The following GKAP1 variants were observed in gnomAD, a reference collection of about 807,000 sequenced individuals.
GKAP1 encodes G kinase anchoring protein 1.
A neutral mutation model predicts 56.7 loss-of-function variants in GKAP1; 31 were observed. The observed-to-expected ratio is 0.55, with a 90% CI of 0.41 to 0.74. The LOEUF (loss-of-function observed/expected upper bound fraction) is 0.74. Among genes scored for constraint, GKAP1 ranks in the 30% least tolerant of loss-of-function variants. GKAP1 has a pLI of 0.00. For missense variants in GKAP1, 364 were observed against 402.3 expected, an observed-to-expected ratio of 0.90 and a Z score of 0.82; for synonymous variants, 151 against 138.6, an observed-to-expected ratio of 1.09 and a Z score of -0.63.
At chr9:83,787,772 A>T (rs776865483) in intron 5 of GKAP1, among the ~76,000 whole-genome samples, 3 of 152,256 alleles carry the variant, frequency 2.0e-5, no homozygotes, top group Non-Finnish European at 4.4e-5. Context: ...ATCCTCCTTT[A>T]ATAACAAGCT....
chr9:83,744,804 G>A (rs1319467120), intron 10 of GKAP1, among the ~76,000 whole-genome samples: 1 of 152,078 alleles, frequency 6.6e-6, no homozygotes, highest in Non-Finnish European at 1.5e-5. Flanking sequence ...CATATGGCTG[G>A]GAGGCCTCAG....
chr9:83,779,778 A>G (rs1234092842), intron 7 of GKAP1, among the ~76,000 whole-genome samples: 1 of 151,860 alleles, frequency 6.6e-6, no homozygotes. Flanking sequence ...TTTCATTAGT[A>G]TCTTCCTCAA....
At chr9:83,757,620 A>C (rs1943498423) in intron 8 of GKAP1, among the ~76,000 whole-genome samples, 1 of 152,202 alleles carries the variant, frequency 6.6e-6, no homozygotes. Flanking sequence ...ACAGCATGGC[A>C]TGATGGCAGT....
At chr9:83,760,839 C>A (rs1235016080) in intron 8 of GKAP1, among the ~76,000 whole-genome samples, 1 of 151,552 alleles carries the variant, frequency 6.6e-6, no homozygotes, top group Non-Finnish European at 1.5e-5. Flanking sequence ...AAATAACACA[C>A]CAAAAGCTAT....
chr9:83,749,649 C>A (rs1396946319), intron 9 of GKAP1, among the ~76,000 whole-genome samples: 1 of 152,100 alleles, frequency 6.6e-6, no homozygotes, highest in Non-Finnish European at 1.5e-5. Context: ...TTTTTCCTCT[C>A]AACATATACA....
At chr9:83,741,854 T>C (rs1943214401) in intron 12 of GKAP1, 98 bp downstream of exon 12, 9 of 680,394 alleles carry the variant, frequency 1.3e-5, no homozygotes, top group Non-Finnish European at 2.0e-5. Flanking sequence ...AGTGAATAAA[T>C]TTTGGCCTAA....
At chr9:83,791,980 T>C (rs1944167211) in intron 4 of GKAP1, among the ~76,000 whole-genome samples, 1 of 152,208 alleles carries the variant, frequency 6.6e-6, no homozygotes, top group South Asian at 2.1e-4. Context: ...AGGAAAGTCA[T>C]TCTGACAAAA....
At chr9:83,812,248 T>C (rs964147014) in intron 2 of GKAP1, among the ~76,000 whole-genome samples, 2 of 148,836 alleles carry the variant, frequency 1.3e-5, no homozygotes, top group African/African-American at 2.5e-5. Context: ...TATATACGTA[T>C]ATATGTATAC....
At chr9:83,783,157 A>G (rs1944005834) in intron 6 of GKAP1, among the ~76,000 whole-genome samples, 1 of 152,130 alleles carries the variant, frequency 6.6e-6, no homozygotes, top group African/African-American at 2.4e-5. Context: ...TTTCTTTTTG[A>G]AATTATTGCT....
chr9:83,793,043 A>G, intron 4 of GKAP1: 1 of 1,225,934 alleles, frequency 8.2e-7, no homozygotes, highest in Non-Finnish European at 1.1e-6. Context: ...TTTTTCTTCT[A>G]TTTAAGCAAA....
In GKAP1 at chr9:83,801,396, GT is replaced by G. The variant is rs397711258; in HGVS notation, c.217-2069del. On this transcript the variant is annotated intron_variant, in intron 3 of 12. Transcript: ENST00000376371. ...CGTTGTTTTAAGCCACCAAGTTTGT[GT>G]TTTTTTTTTTTTTAAGGCAGCCCTG... 8.5e-3 allele frequency among the ~76,000 whole-genome samples: 432 copies of G among 50,860 alleles called. 1 individual carries two copies. The highest frequency in any genetic ancestry group is 0.03 in the African/African-American group (267 of 8,832). The allele number at this position is 50,860 out of a possible 152,430, so 33.4% of individuals were successfully genotyped here.
intron 7 of GKAP1, among the ~76,000 whole-genome samples, chr9:83,778,927 T>A (rs541091044): frequency 6.6e-6 from 1 of 152,044 alleles, no homozygotes; most frequent in Admixed American, 6.6e-5. Flanking sequence ...CAGAAGCTTG[T>A]TTAAATACAA....
At chr9:83,750,639 A>G (rs1345650928) in intron 9 of GKAP1, among the ~76,000 whole-genome samples, 2 of 152,200 alleles carry the variant, frequency 1.3e-5, no homozygotes, top group Non-Finnish European at 2.9e-5. Context: ...TATACATTTT[A>G]TTTTAAACCT....
chr9:83,810,612 G>A lies in GKAP1; in HGVS notation c.-43-4052C>T, dbSNP rs1231164920. ...ATGTCAGTAATGCAAAAGGCAAATGGCAGGGAGCACCAGCACAAGACCACT... is the reference window on the plus strand; with the variant it reads ...ATGTCAGTAATGCAAAAGGCAAATGACAGGGAGCACCAGCACAAGACCACT... On this transcript the variant is annotated intron_variant, in intron 2 of 12. Transcript: ENST00000376371. 2.0e-5 allele frequency among the ~76,000 whole-genome samples: 3 copies of A among 152,152 alleles called. No homozygotes were observed. In the East Asian group the frequency reaches 5.8e-4, roughly 29 times the overall value.
Position 83,784,643 on chromosome 9 carries a change from G to A in GKAP1, c.562+72C>T, listed in dbSNP as rs1944033466. The A allele has an allele frequency of 6.6e-6, 7 of 1,052,988 alleles. 1 individual carries two copies. In the South Asian group the frequency reaches 1.2e-4, roughly 19 times the overall value. The allele number at this position is 1,052,988 out of a possible 1,614,324, so 65.2% of individuals were successfully genotyped here. Reference sequence around the variant, plus strand: ...TTACTTATTGTTTAAAAATTAGAAAGACATTTACAACTGAAGTATAAAACA... The same window carrying A: ...TTACTTATTGTTTAAAAATTAGAAAAACATTTACAACTGAAGTATAAAACA... On this transcript the variant is annotated intron_variant, in intron 6 of 12. Coordinates refer to ENST00000376371, the MANE Select transcript of GKAP1 (RefSeq NM_025211.4).
In GKAP1 at chr9:83,785,614, G is replaced by C. The variant is rs77448799; in HGVS notation, c.439-776C>G. On this transcript the variant is annotated intron_variant, in intron 5 of 12. Coordinates refer to ENST00000376371, the MANE Select transcript of GKAP1 (RefSeq NM_025211.4). ...TGCCTACTCTCCTACACACCTTACA[G>C]CCAATTAACTACTAGGTCTTGTTTA... is the stretch of plus-strand genomic sequence containing the variant. Among the ~76,000 whole-genome samples, 6 of 152,166 alleles carry C rather than the reference G, an allele frequency of 3.9e-5. No individual in the cohort carries two copies. In the East Asian group the frequency reaches 1.2e-3, roughly 29 times the overall value.
chr9:83,758,160 AAC>A (rs955230199), intron 8 of GKAP1, among the ~76,000 whole-genome samples: 1 of 152,186 alleles, frequency 6.6e-6, no homozygotes, highest in African/African-American at 2.4e-5. Context: ...CACCAAGAGC[AAC>A]ACAGAGGCTT....
intron 3 of GKAP1, among the ~76,000 whole-genome samples, chr9:83,804,399 G>A (rs1944394897): frequency 7.0e-6 from 1 of 142,486 alleles, no homozygotes; most frequent in African/African-American, 2.6e-5. Flanking sequence ...GGGAGGTGGG[G>A]GGGGTCAGCC....
At chr9:83,780,866 CTATTT>C (rs1329410777) in intron 6 of GKAP1, among the ~76,000 whole-genome samples, 1 of 151,998 alleles carries the variant, frequency 6.6e-6, no homozygotes, top group Non-Finnish European at 1.5e-5. Flanking sequence ...AAACTACTAG[CTATTT>C]TATTTTAAAA....
Sources: gnomAD v4.1 joint callset for allele counts (sites outside exome capture counted in the v4.1 genomes callset) on GRCh38, gnomAD v4.1.1 for gene constraint, MANE v1.5 for transcripts, NCBI Gene and HGNC (gene_info 2026-07-23, HGNC 2026-07-21) for gene names.